Variants in DHRS9 observed in about 807,000 individuals in gnomAD.
DHRS9 encodes the protein dehydrogenase/reductase 9.
In DHRS9, 18 loss-of-function variants were observed where a neutral mutation model predicts 26.6. That is an observed-to-expected ratio of 0.68 (90% confidence interval 0.47 to 1.00). The LOEUF is 1.00. Ranked by LOEUF, DHRS9 falls within the 50% of genes least tolerant of loss-of-function variation. The pLI is 0.00. For synonymous variants in DHRS9, 134 were observed against 141.1 expected, an observed-to-expected ratio of 0.95 and a Z score of 0.36; for missense variants, 425 against 378.7, an observed-to-expected ratio of 1.12 and a Z score of -1.01.
intron 1 of DHRS9, among the ~76,000 whole-genome samples, chr2:169,079,983 G>GAGAAAGAAAGAAAGAAAGAAAGAAAGAA (rs1279888912): frequency 2.1e-5 from 1 of 46,802 alleles, no homozygotes; most frequent in Non-Finnish European, 4.0e-5. Context: ...GAGAGAGAGA[G>GAGAAAGAAAGAAAGAAAGAAAGAAAGAA]AGAAAGAAAG....
chr2:169,075,871 T>A (rs1683947987), intron 1 of DHRS9, among the ~76,000 whole-genome samples: 1 of 152,210 alleles, frequency 6.6e-6, no homozygotes, highest in Non-Finnish European at 1.5e-5. Flanking sequence ...GTGATGTGAA[T>A]CCTTATCACT....
Position 169,091,388 on chromosome 2 carries a change from CCTT to C in DHRS9, c.573-401_573-399del, listed in dbSNP as rs1234461778. ...CACATCCTCATTTGTGCTGCAATCTCCTTATGTTGCTAGAATGGAGGTGAACTT... is the reference window on the plus strand; with the variant it reads ...CACATCCTCATTTGTGCTGCAATCTCATGTTGCTAGAATGGAGGTGAACTT... On this transcript the variant is annotated intron_variant, in intron 3 of 4. Transcript: ENST00000674881. 2.0e-5 allele frequency among the ~76,000 whole-genome samples: 3 copies of C among 152,334 alleles called. No homozygotes were observed. In the East Asian group the frequency reaches 5.8e-4, roughly 29 times the overall value.
intron 3 of DHRS9, among the ~76,000 whole-genome samples, chr2:169,091,196 A>G (rs2105302208): frequency 6.6e-6 from 1 of 151,830 alleles, no homozygotes; most frequent in South Asian, 2.1e-4. Flanking sequence ...GGGAATGAGT[A>G]GGCTTTTAGT....
chr2:169,070,244 C>T (rs1683758075), intron 1 of DHRS9: 3 of 985,350 alleles, frequency 3.0e-6, no homozygotes, highest in Non-Finnish European at 2.4e-6. Flanking sequence ...CATAAAAAAG[C>T]AGGGAAATTC....
intron 3 of DHRS9, among the ~76,000 whole-genome samples, chr2:169,089,446 G>A (rs1183722114): frequency 6.6e-6 from 1 of 152,210 alleles, no homozygotes; most frequent in Non-Finnish European, 1.5e-5. Context: ...AGAGGGTGGA[G>A]GAAAGGACTA....
intron 1 of DHRS9, among the ~76,000 whole-genome samples, chr2:169,076,730 C>G (rs1475444062): frequency 1.3e-5 from 2 of 152,196 alleles, no homozygotes; most frequent in African/African-American, 4.8e-5. Context: ...GTGCCCCATT[C>G]AGTCGAAAAT....
upstream of DHRS9, chr2:169,067,212 A>G: frequency 1.3e-6 from 2 of 1,535,612 alleles, no homozygotes; most frequent in Non-Finnish European, 1.7e-6. Context: ...TCAGCCTTAC[A>G]AGAGTGACAC....
intron 3 of DHRS9, among the ~76,000 whole-genome samples, chr2:169,086,578 T>C (rs1426942378): frequency 6.6e-6 from 1 of 151,650 alleles, no homozygotes; most frequent in Non-Finnish European, 1.5e-5. Context: ...CATTGAAGAG[T>C]TAGGTATTTA....
At chr2:169,068,482 GC>G (rs1227834560), upstream of DHRS9, among the ~76,000 whole-genome samples, 1 of 152,098 alleles carries the variant, frequency 6.6e-6, no homozygotes, top group Non-Finnish European at 1.5e-5. Flanking sequence ...CCACCACCAT[GC>G]CTGGCTAATT....
At chr2:169,087,685 G>C (rs900111754) in intron 3 of DHRS9, among the ~76,000 whole-genome samples, 1 of 152,060 alleles carries the variant, frequency 6.6e-6, no homozygotes, top group African/African-American at 2.4e-5. Context: ...AGGGCCCAAG[G>C]GCTCTTTAGT....
intron 3 of DHRS9, among the ~76,000 whole-genome samples, chr2:169,088,469 T>C (rs954587656): frequency 4.6e-5 from 7 of 152,228 alleles, no homozygotes; most frequent in African/African-American, 1.7e-4. Context: ...TTAGGGACTG[T>C]GATCACTCAT....
intron 2 of DHRS9, 131 bp downstream of exon 2, chr2:169,082,025 C>G: frequency 1.1e-6 from 1 of 947,592 alleles, no homozygotes; most frequent in Non-Finnish European, 1.5e-6. Context: ...CTGTGTACTT[C>G]TCTAATCTTA....
intron 1 of DHRS9, among the ~76,000 whole-genome samples, chr2:169,076,465 T>C (rs2892805): frequency 0.43 from 66,158 of 152,162 alleles, 17,248 homozygotes; most frequent in African/African-American, 0.74. Context: ...ATGTTCATTG[T>C]TGTTGGAGTG....
chr2:169,072,793 T>C (rs868494485), intron 1 of DHRS9: 3 of 288,218 alleles, frequency 1.0e-5, no homozygotes, highest in Middle Eastern at 1.7e-3. Flanking sequence ...CGACTGATAA[T>C]GTGTTCATCT....
intron 1 of DHRS9, among the ~76,000 whole-genome samples, chr2:169,075,753 G>T (rs892753106): frequency 6.6e-6 from 1 of 152,104 alleles, no homozygotes; most frequent in African/African-American, 2.4e-5. Context: ...AGCACTGGAA[G>T]ATGTTTCCCC....
chr2:169,087,669 T>C (rs1295208294), intron 3 of DHRS9, among the ~76,000 whole-genome samples: 1 of 152,068 alleles, frequency 6.6e-6, no homozygotes, highest in East Asian at 1.9e-4. Flanking sequence ...TTGCTCCTGA[T>C]TTTTCAGGGC....
At position 169,071,649 on chromosome 2, in the gene DHRS9, T is replaced by C. The variant is rs193241802; in HGVS notation, c.-60+1932T>C. Reference sequence around the variant, plus strand: ...AGTCTGGCTGCCAAGGATTACCTCCTGCCCTCAGGGAAGCAGGAATCAAGG... The same window carrying C: ...AGTCTGGCTGCCAAGGATTACCTCCCGCCCTCAGGGAAGCAGGAATCAAGG... On this transcript the variant is annotated intron_variant, in intron 1 of 4. Transcript: ENST00000674881. 4.6e-5 allele frequency among the ~76,000 whole-genome samples: 7 copies of C among 152,266 alleles called. No individual in the cohort carries two copies. In the East Asian group the frequency reaches 1.3e-3, roughly 29 times the overall value.
At chr2:169,078,840 T>TTTTTTTTTTTTGTG (rs1553478929) in intron 1 of DHRS9, among the ~76,000 whole-genome samples, 3 of 137,354 alleles carry the variant, frequency 2.2e-5, no homozygotes, top group African/African-American at 8.9e-5. Flanking sequence ...TTTTTTTTTT[T>TTTTTTTTTTTTGTG]TGTGACAGAG....
chr2:169,093,606 C>G (rs1684603349), intron 4 of DHRS9, among the ~76,000 whole-genome samples: 1 of 152,108 alleles, frequency 6.6e-6, no homozygotes, highest in Admixed American at 6.6e-5. Context: ...TTTTAAATGC[C>G]TTTGAATATA....
Sources: allele counts gnomAD v4.1 joint callset (sites outside exome capture counted in the v4.1 genomes callset), GRCh38; gene constraint gnomAD v4.1.1; transcripts MANE v1.5; gene names NCBI Gene and HGNC (gene_info 2026-07-23, HGNC 2026-07-21).